The following TRIO variants were observed in gnomAD, a reference collection of about 807,000 sequenced individuals.
TRIO encodes the protein trio Rho guanine nucleotide exchange factor.
A neutral mutation model predicts 351.9 loss-of-function variants in TRIO; 58 were observed. The observed-to-expected ratio is 0.16, with a 90% CI of 0.13 to 0.21. TRIO has a LOEUF of 0.21. Ranked by LOEUF, TRIO falls within the 10% of genes least tolerant of loss-of-function variation. TRIO has a pLI of 1.00. For missense variants in TRIO, 3,201 were observed against 4,027.8 expected, an observed-to-expected ratio of 0.79 and a Z score of 5.56; for synonymous variants, 1,758 against 1,595.7, an observed-to-expected ratio of 1.10 and a Z score of -2.42.
At chr5:14,236,136 T>C (rs1266733747) in intron 1 of TRIO, among the ~76,000 whole-genome samples, 1 of 152,180 alleles carries the variant, frequency 6.6e-6, no homozygotes, top group Non-Finnish European at 1.5e-5. Context: ...GACCTGGAAT[T>C]GTGGTTTGGC....
At chr5:14,431,631 A>G (rs1289920941) in intron 34 of TRIO, among the ~76,000 whole-genome samples, 1 of 152,212 alleles carries the variant, frequency 6.6e-6, no homozygotes, top group Non-Finnish European at 1.5e-5. Flanking sequence ...TACTGTCTCA[A>G]AAACATTTAG....
chr5:14,307,937 A>G (rs915181447), intron 8 of TRIO, among the ~76,000 whole-genome samples: 6 of 152,092 alleles, frequency 3.9e-5, no homozygotes, highest in Non-Finnish European at 7.4e-5. Context: ...TTATAATTTG[A>G]TACTCTTTTG....
At chr5:14,255,698 A>G (rs948339690) in intron 1 of TRIO, among the ~76,000 whole-genome samples, 7 of 152,238 alleles carry the variant, frequency 4.6e-5, no homozygotes, top group Non-Finnish European at 1.0e-4. Flanking sequence ...TATACCTTAT[A>G]CACATAACCT....
At chr5:14,489,880 C>T (rs1233875991) in intron 48 of TRIO, among the ~76,000 whole-genome samples, 1 of 152,178 alleles carries the variant, frequency 6.6e-6, no homozygotes, top group Non-Finnish European at 1.5e-5. Flanking sequence ...TGGCAGGGAA[C>T]CTGGAAAGGG....
intron 11 of TRIO, among the ~76,000 whole-genome samples, chr5:14,344,722 A>G (rs1742262311): frequency 6.6e-6 from 1 of 152,226 alleles, no homozygotes; most frequent in Non-Finnish European, 1.5e-5. Flanking sequence ...TAATCTTTGA[A>G]CAACAGTAAC....
chr5:14,447,434 A>T (rs1405192879), intron 34 of TRIO, among the ~76,000 whole-genome samples: 1 of 152,230 alleles, frequency 6.6e-6, no homozygotes, highest in Non-Finnish European at 1.5e-5. Context: ...TGAATCTGGT[A>T]TAAATTTTTT....
At chr5:14,274,191 G>A (rs1379629149) in intron 2 of TRIO, among the ~76,000 whole-genome samples, 4 of 152,124 alleles carry the variant, frequency 2.6e-5, no homozygotes, top group South Asian at 4.1e-4. Flanking sequence ...GAGATGTCTG[G>A]TAAGGCTCTT....
chr5:14,175,781 G>C (rs1789368547), intron 1 of TRIO, among the ~76,000 whole-genome samples: 1 of 152,200 alleles, frequency 6.6e-6, no homozygotes, highest in Non-Finnish European at 1.5e-5. Context: ...CATTTAGTGA[G>C]AGCTCCGCAA....
At chr5:14,196,349 G>A (rs1790768194) in intron 1 of TRIO, among the ~76,000 whole-genome samples, 1 of 150,918 alleles carries the variant, frequency 6.6e-6, no homozygotes, top group Non-Finnish European at 1.5e-5. Context: ...CTTGAATCCA[G>A]GAGGTGGAGA....
rs759795359 is a variant in TRIO, at chr5:14,474,108, A to G, written c.6083+11A>G. ...CGACTGGCACAGAGAGTACGTAAAC[A>G]TGCATTGTGCCCGATGGTGTGCAAA... On this transcript the variant is annotated intron_variant, in intron 40 of 56. Transcript: ENST00000344204. The G allele has an allele frequency of 5.6e-6, 9 of 1,610,242 alleles. No individual in the cohort carries two copies. Among genetic ancestry groups the G allele is most frequent in the South Asian group, 3.3e-5 (3 of 90,916 alleles).
intron 11 of TRIO, among the ~76,000 whole-genome samples, chr5:14,345,871 G>A (rs1410950945): frequency 1.3e-5 from 2 of 152,256 alleles, no homozygotes; most frequent in South Asian, 2.1e-4. Context: ...GTTTTAAAGG[G>A]CATTTTATGA....
At chr5:14,336,767 AG>A (rs1398806753) in intron 11 of TRIO, 40 bp downstream of exon 11, 2 of 1,607,220 alleles carry the variant, frequency 1.2e-6, no homozygotes, top group East Asian at 2.2e-5. Context: ...TGTGCTTGAA[AG>A]GGTCTTTGAA....
chr5:14,253,692 G>A (rs67084079), intron 1 of TRIO, among the ~76,000 whole-genome samples: 25,896 of 152,192 alleles, frequency 0.17, 2,468 homozygotes, highest in East Asian at 0.36. Context: ...CCCTTAAAGC[G>A]GCAATTCTCA....
Position 14,397,028 on chromosome 5 carries a change from T to G in TRIO, c.4312-15T>G. On this transcript the variant is annotated splice_polypyrimidine_tract_variant and intron_variant, in intron 28 of 56. Transcript: ENST00000344204. ...TCTGCAGTCTTTACCTAGTTTCTGT[T>G]GTTTATCTTTGCAGGAGCTGCTGAC... is the stretch of plus-strand genomic sequence containing the variant. The G allele has an allele frequency of 6.3e-7, 1 of 1,588,996 alleles. No individual in the cohort carries two copies. Among genetic ancestry groups the G allele is most frequent in the Non-Finnish European group, 8.6e-7 (1 of 1,168,406 alleles).
chr5:14,471,698 C>A (rs1561529870), intron 38 of TRIO, among the ~76,000 whole-genome samples: 1 of 152,084 alleles, frequency 6.6e-6, no homozygotes, highest in Non-Finnish European at 1.5e-5. Context: ...AAGAATGATG[C>A]AAGACAAAAA....
chr5:14,379,937 G>A (rs762616099), intron 20 of TRIO, among the ~76,000 whole-genome samples: 7 of 152,156 alleles, frequency 4.6e-5, no homozygotes, highest in South Asian at 2.1e-4. Flanking sequence ...TTGCCTTGGC[G>A]CAGGCCCCTC....
chr5:14,473,627 TTC>T (rs760409210), intron 39 of TRIO, among the ~76,000 whole-genome samples: 4 of 152,218 alleles, frequency 2.6e-5, no homozygotes, highest in Non-Finnish European at 4.4e-5. Context: ...AAGAAAATCT[TTC>T]TGTTTCTAAG....
At chr5:14,284,866 T>G (rs913095004) in intron 3 of TRIO, among the ~76,000 whole-genome samples, 1 of 152,196 alleles carries the variant, frequency 6.6e-6, no homozygotes, top group East Asian at 1.9e-4. Context: ...GTAGAATGCC[T>G]TACTGGGCAG....
chr5:14,191,760 G>A (rs1790471159), intron 1 of TRIO, among the ~76,000 whole-genome samples: 1 of 152,140 alleles, frequency 6.6e-6, no homozygotes, highest in African/African-American at 2.4e-5. Context: ...CAGCCAGTCA[G>A]GAAAATCGCA....
Sources: gnomAD v4.1 joint callset for allele counts (sites outside exome capture counted in the v4.1 genomes callset) on GRCh38, gnomAD v4.1.1 for gene constraint, MANE v1.5 for transcripts, NCBI Gene and HGNC (gene_info 2026-07-23, HGNC 2026-07-21) for gene names.